Variants in KTN1 observed in about 807,000 individuals in gnomAD.
KTN1 encodes the protein kinectin 1.
KTN1 carries 130 observed loss-of-function variants against 222.5 expected under a neutral mutation model. That is an observed-to-expected ratio of 0.58 (90% CI 0.51 to 0.68). The LOEUF (loss-of-function observed/expected upper bound fraction) is 0.68, where lower values mean the gene tolerates loss of function less well. Among genes scored for constraint, KTN1 ranks in the 30% least tolerant of loss-of-function variants. KTN1 has a pLI of 0.00. For missense variants in KTN1, 1,508 were observed against 1,500.4 expected, an observed-to-expected ratio of 1.01 and a Z score of -0.08; for synonymous variants, 512 against 496.3, an observed-to-expected ratio of 1.03 and a Z score of -0.42.
At chr14:55,641,041 C>T in intron 16 of KTN1, 71 bp downstream of exon 16, 2 of 1,459,382 alleles carry the variant, frequency 1.4e-6, no homozygotes, top group Non-Finnish European at 9.6e-7. Context: ...GAAAATATTG[C>T]TGCTTATAAC....
In KTN1 at chr14:55,598,434, C is replaced by CAA. The variant is rs555607541; in HGVS notation, c.-30-13569_-30-13568dup. 4.0e-3 allele frequency among the ~76,000 whole-genome samples: 230 copies of CAA among 57,798 alleles called. 3 individuals are homozygous for CAA. The highest frequency in any genetic ancestry group is 0.014 in the African/African-American group (213 of 15,026). 37.9% of individuals were successfully genotyped at this position (57,798 alleles called of 152,430 possible). Reference sequence around the variant, plus strand: ...TCGGCGACAGAGCGAGACTCCATCTCAAAAAAAAAAAAAAAAAGAATATTG... The same window carrying CAA: ...TCGGCGACAGAGCGAGACTCCATCTCAAAAAAAAAAAAAAAAAAAGAATATTG... On this transcript the variant is annotated intron_variant, in intron 1 of 43. Coordinates refer to ENST00000395314, the MANE Select transcript of KTN1 (RefSeq NM_001079521.2).
chr14:55,634,141 A>G (rs1418189682), intron 8 of KTN1, among the ~76,000 whole-genome samples: 1 of 152,112 alleles, frequency 6.6e-6, no homozygotes, highest in East Asian at 1.9e-4. Context: ...CTCAAAAAAA[A>G]AAGACACTTT....
Position 55,616,569 on chromosome 14 carries a change from A to C in KTN1, c.576A>C (p.Glu192Asp), listed in dbSNP as rs1160902548. 1.2e-6 allele frequency: 2 copies of C among 1,607,318 alleles called. No individual in the cohort carries two copies. Among genetic ancestry groups the C allele is most frequent in the South Asian group, 2.2e-5 (2 of 90,532 alleles). ...ETLMVPSKRQEALPLHQETKQ... is the reference protein window; with the variant it reads ...ETLMVPSKRQDALPLHQETKQ... ...TCATGGTACCATCAAAAAGGCAAGA[A>C]GCATTGCCCCTCCACCAAGAGACTA... Residue 192 changes from glutamate to aspartate, a missense_variant, in exon 3 of 44, where the codon GAA (glutamate) becomes GAC (aspartate). Physicochemically the swap from Glu to Asp is conservative, Grantham distance 45. Transcript: ENST00000395314.
At chr14:55,637,668 T>TAAA in intron 11 of KTN1, 111 bp from the exon 12 acceptor site, 6 of 628,210 alleles carry the variant, frequency 9.6e-6, no homozygotes, top group Admixed American at 2.9e-5. Flanking sequence ...AAGAATGCCT[T>TAAA]AAAAAAAAAA....
chr14:55,627,747 G>A (rs2040019830), intron 5 of KTN1, among the ~76,000 whole-genome samples, 165 bp from the exon 6 acceptor site: 2 of 152,190 alleles, frequency 1.3e-5, no homozygotes. Flanking sequence ...CGTTTGCTGA[G>A]AATGATGGTT....
At chr14:55,659,307 G>GTTTTT (rs772118269) in intron 30 of KTN1, among the ~76,000 whole-genome samples, 1 of 120,648 alleles carries the variant, frequency 8.3e-6, no homozygotes. Context: ...TTTGATTTCT[G>GTTTTT]TTTTTTTTTT....
In KTN1 at chr14:55,662,863, T is replaced by C. The variant is rs923745061; in HGVS notation, c.3091-1092T>C. On this transcript the variant is annotated intron_variant, in intron 32 of 43. Coordinates refer to ENST00000395314, the MANE Select transcript of KTN1 (RefSeq NM_001079521.2). Reference sequence around the variant, plus strand: ...TGAGGTGAACTTGCCGATATACTGCTAACATCTTAACTGTGTTTTATTATT... The same window carrying C: ...TGAGGTGAACTTGCCGATATACTGCCAACATCTTAACTGTGTTTTATTATT... 3 of 455,984 alleles carry C rather than the reference T, an allele frequency of 6.6e-6. No individual in the cohort carries two copies. In the Admixed American group the frequency reaches 7.0e-5, roughly 11 times the overall value. 28.2% of individuals were successfully genotyped at this position (455,984 alleles called of 1,614,324 possible).
At chr14:55,660,243 T>C (rs1191465800) in intron 31 of KTN1, among the ~76,000 whole-genome samples, 1 of 152,054 alleles carries the variant, frequency 6.6e-6, no homozygotes, top group South Asian at 2.1e-4. Context: ...CCGGGTGTGA[T>C]GGCATGCACC....
rs769500074 is a variant in KTN1 at position 55,672,940 on chromosome 14, A to G, written c.3615A>G (p.Glu1205=). ...ENKDIENLRR[E]REHLEMELEK... is the part of the protein sequence containing the mutation. Reference sequence around the variant, plus strand: ...TGTTGCATTGCTAGCTGAGAAGAGAACGAGAACATTTGGAAATGGAACTAG... The same window carrying G: ...TGTTGCATTGCTAGCTGAGAAGAGAGCGAGAACATTTGGAAATGGAACTAG... Residue 1205 remains glutamate (E), a synonymous_variant, in exon 39 of 44, where the codon GAA becomes GAG. Transcript: ENST00000395314. 1 of 1,612,996 alleles carries G rather than the reference A, an allele frequency of 6.2e-7. No homozygotes were observed.
chr14:55,660,010 T>C (rs2043943427), intron 31 of KTN1, among the ~76,000 whole-genome samples: 1 of 152,248 alleles, frequency 6.6e-6, no homozygotes, highest in Non-Finnish European at 1.5e-5. Context: ...TTATGTCAGT[T>C]ATCTTACTGG....
chr14:55,595,725 A>G (rs118187913), intron 1 of KTN1, among the ~76,000 whole-genome samples: 1,821 of 152,350 alleles, frequency 0.012, 32 homozygotes, highest in South Asian at 0.055. Context: ...GGATTTATCA[A>G]TCTTGTCTCC....
At chr14:55,593,678 G>A (rs1021831768) in intron 1 of KTN1, among the ~76,000 whole-genome samples, 2 of 151,930 alleles carry the variant, frequency 1.3e-5, no homozygotes, top group Middle Eastern at 3.2e-3. Context: ...GAACGTGAAC[G>A]AACACTAGCT....
At chr14:55,640,890 C>T in intron 15 of KTN1, 43 bp from the exon 16 acceptor site, 1 of 1,568,440 alleles carries the variant, frequency 6.4e-7, no homozygotes, top group Non-Finnish European at 8.7e-7. Flanking sequence ...GTTTTGAGCA[C>T]TTCCTGTGAA....
chr14:55,591,796 G>A (rs536428618), intron 1 of KTN1, among the ~76,000 whole-genome samples: 29 of 151,890 alleles, frequency 1.9e-4, no homozygotes, highest in African/African-American at 6.8e-4. Context: ...GGCTGGTCTC[G>A]GACTCCCGAC....
chr14:55,626,383 A>T (rs1251638494), intron 5 of KTN1, among the ~76,000 whole-genome samples: 1 of 151,722 alleles, frequency 6.6e-6, no homozygotes, highest in Non-Finnish European at 1.5e-5. Flanking sequence ...CTTCCACTTT[A>T]GTTTTGCCAG....
intron 2 of KTN1, among the ~76,000 whole-genome samples, chr14:55,615,033 A>C (rs1210744947): frequency 6.6e-6 from 1 of 152,182 alleles, no homozygotes; most frequent in East Asian, 1.9e-4. Context: ...AGCTCATCCA[A>C]GGGAAGTATT....
chr14:55,641,598 G>A, intron 17 of KTN1, 94 bp from the exon 18 acceptor site: 1 of 810,698 alleles, frequency 1.2e-6, no homozygotes. Context: ...ACTGAAAGCT[G>A]AGATAAAGGT....
chr14:55,595,688 A>T (rs2034901671), intron 1 of KTN1, among the ~76,000 whole-genome samples: 1 of 152,188 alleles, frequency 6.6e-6, no homozygotes, highest in Middle Eastern at 3.2e-3. Context: ...ATATTCTTCA[A>T]TTTATGCCAG....
At chr14:55,634,458 T>G in intron 8 of KTN1, 68 bp from the exon 9 acceptor site, 1 of 1,397,650 alleles carries the variant, frequency 7.2e-7, no homozygotes, top group Non-Finnish European at 9.6e-7. Flanking sequence ...ACTAACAAAG[T>G]ATGTTTTGTT....
Sources: allele counts gnomAD v4.1 joint callset (sites outside exome capture counted in the v4.1 genomes callset), GRCh38; gene constraint gnomAD v4.1.1; transcripts MANE v1.5; gene names NCBI Gene and HGNC (gene_info 2026-07-23, HGNC 2026-07-21).